AMBRA1: variants seen among roughly 807,000 people sequenced by gnomAD.
AMBRA1 encodes the protein activating molecule in BECN1-regulated autophagy protein 1.
A neutral mutation model predicts 125.4 loss-of-function variants in AMBRA1; 47 were observed. That is an observed-to-expected ratio of 0.37 (90% confidence interval 0.30 to 0.48). The LOEUF is 0.48. AMBRA1 is among the 20% of genes least tolerant of loss of function. AMBRA1 has a pLI of 0.99. For missense variants in AMBRA1, 1,331 were observed against 1,693.4 expected, an observed-to-expected ratio of 0.79 and a Z score of 3.76; for synonymous variants, 626 against 655.5, an observed-to-expected ratio of 0.95 and a Z score of 0.69.
chr11:46,546,995 T>G, intron 4 of AMBRA1, 118 bp downstream of exon 4: 1 of 919,384 alleles, frequency 1.1e-6, no homozygotes, highest in Non-Finnish European at 1.6e-6. Context: ...CACTTGAACC[T>G]GGGAGACGGA....
chr11:46,418,180 CTCTTTTTTTT>C (rs1201683242), intron 14 of AMBRA1, 128 bp from the exon 15 acceptor site: 1 of 666,670 alleles, frequency 1.5e-6, no homozygotes, highest in Non-Finnish European at 2.0e-6. Context: ...AACAGGATGA[CTCTTTTTTTT>C]TCTTTTTTTT....
At chr11:46,399,470 G>A (rs559511810) in intron 17 of AMBRA1, among the ~76,000 whole-genome samples, 172 of 150,574 alleles carry the variant, frequency 1.1e-3, no homozygotes, top group Non-Finnish European at 2.0e-3. Flanking sequence ...AGGTTCAAGC[G>A]ATTCTCCTGC....
chr11:46,492,810 G>A (rs1325412323), intron 11 of AMBRA1, among the ~76,000 whole-genome samples: 5 of 152,246 alleles, frequency 3.3e-5, no homozygotes, highest in Admixed American at 1.3e-4. Flanking sequence ...GGCACTTCGG[G>A]AGGCTGAGGC....
At chr11:46,445,012 T>G (rs1053451025) in intron 11 of AMBRA1, among the ~76,000 whole-genome samples, 3 of 145,276 alleles carry the variant, frequency 2.1e-5, no homozygotes, top group Non-Finnish European at 3.0e-5. Flanking sequence ...ATTCTCAACA[T>G]GGGAAATATC....
At chr11:46,461,915 T>C (rs938615429) in intron 11 of AMBRA1, among the ~76,000 whole-genome samples, 2 of 152,208 alleles carry the variant, frequency 1.3e-5, no homozygotes, top group Non-Finnish European at 2.9e-5. Flanking sequence ...TGATGCCATA[T>C]AACGTCTTAC....
At chr11:46,553,744 C>CA (rs113211612) in intron 1 of AMBRA1, among the ~76,000 whole-genome samples, 58 of 144,506 alleles carry the variant, frequency 4.0e-4, no homozygotes, top group East Asian at 2.0e-3. Context: ...GACTCCATCT[C>CA]AAAAAAAAAA....
intron 7 of AMBRA1, among the ~76,000 whole-genome samples, chr11:46,531,842 G>C (rs949544455): frequency 5.3e-5 from 8 of 152,158 alleles, no homozygotes; most frequent in African/African-American, 1.9e-4. Context: ...TGCCAGCTGG[G>C]AGAGGTGGCT....
At position 46,493,618 on chromosome 11, in the gene AMBRA1, C is replaced by T; in HGVS notation, c.2511G>A (p.Arg837=). 15 of 1,604,018 alleles carry T rather than the reference C, an allele frequency of 9.4e-6. No homozygotes were observed. The highest frequency in any genetic ancestry group is 1.7e-5 in the Admixed American group (1 of 57,464). The change falls in exon 11 of 18, where the codon AGG becomes AGA. Residue 837 remains arginine, a synonymous_variant. Coordinates refer to ENST00000683756, the MANE Select transcript of AMBRA1 (RefSeq NM_001387011.1). ...PGLATHSSVN[R]VLAGAVIGDG... ...GAAACATTTCCTTACCTGCCAGGAC[C>T]CTGTTAACAGAAGAGTGAGTAGCCA...
intron 11 of AMBRA1, among the ~76,000 whole-genome samples, chr11:46,462,271 A>T (rs1487615662): frequency 1.3e-5 from 2 of 152,164 alleles, no homozygotes; most frequent in Non-Finnish European, 2.9e-5. Flanking sequence ...TGGTCATCAT[A>T]AAGAATACAC....
rs567011834 is a variant in AMBRA1 at position 46,398,712 on chromosome 11, G to A, written c.3404-769C>T. ...AGGATGTTCTTGATCTCCTGATCTC[G>A]TGATCTGCCCACCTCAGCCTCCCAA... On this transcript the variant is annotated intron_variant, in intron 17 of 17. Coordinates refer to ENST00000683756, the MANE Select transcript of AMBRA1 (RefSeq NM_001387011.1). Among the ~76,000 whole-genome samples, 59 of 152,168 alleles carry A rather than the reference G, an allele frequency of 3.9e-4. 1 individual carries two copies. The South Asian group carries it at 0.012, about 31-fold the overall frequency.
intron 11 of AMBRA1, among the ~76,000 whole-genome samples, chr11:46,458,721 T>C (rs915867171): frequency 6.6e-6 from 1 of 152,202 alleles, no homozygotes; most frequent in African/African-American, 2.4e-5. Flanking sequence ...TTCAGCCACC[T>C]GAGTAGCTGG....
At chr11:46,559,516 T>C (rs934032024) in intron 1 of AMBRA1, among the ~76,000 whole-genome samples, 2 of 152,098 alleles carry the variant, frequency 1.3e-5, no homozygotes, top group Admixed American at 6.5e-5. Context: ...AATCCTCCTA[T>C]TTGAAACACA....
At chr11:46,553,557 C>A (rs760897483) in intron 1 of AMBRA1, among the ~76,000 whole-genome samples, 1 of 151,920 alleles carries the variant, frequency 6.6e-6, no homozygotes, top group South Asian at 2.1e-4. Flanking sequence ...CCAGCCTGGC[C>A]AACATAGTGA....
At chr11:46,415,367 G>A (rs566223513) in intron 15 of AMBRA1, among the ~76,000 whole-genome samples, 1 of 152,330 alleles carries the variant, frequency 6.6e-6, no homozygotes, top group South Asian at 2.1e-4. Flanking sequence ...AGTTACAAAA[G>A]TATGTGTGTG....
chr11:46,471,656 T>C (rs146369533), intron 11 of AMBRA1, among the ~76,000 whole-genome samples: 340 of 150,704 alleles, frequency 2.3e-3, no homozygotes, highest in African/African-American at 7.8e-3. Context: ...TTAGATGGAG[T>C]CTTGCTCTGT....
At chr11:46,566,092 C>T (rs1200830054) in intron 1 of AMBRA1, among the ~76,000 whole-genome samples, 1 of 152,128 alleles carries the variant, frequency 6.6e-6, no homozygotes, top group Non-Finnish European at 1.5e-5. Flanking sequence ...AACTACAGTA[C>T]ATCCAAACCA....
intron 14 of AMBRA1, among the ~76,000 whole-genome samples, chr11:46,418,565 A>G (rs996708149): frequency 2.6e-5 from 4 of 151,438 alleles, no homozygotes; most frequent in Non-Finnish European, 4.4e-5. Flanking sequence ...CCTACCCCAC[A>G]ACAGGCCCCG....
chr11:46,421,382 G>A (rs1468931267), intron 14 of AMBRA1, among the ~76,000 whole-genome samples: 3 of 152,230 alleles, frequency 2.0e-5, no homozygotes, highest in Non-Finnish European at 4.4e-5. Context: ...CTGCTTTGTG[G>A]CAGGAAGCCA....
chr11:46,557,982 A>G (rs2043208559), intron 1 of AMBRA1, among the ~76,000 whole-genome samples: 1 of 152,090 alleles, frequency 6.6e-6, no homozygotes, highest in African/African-American at 2.4e-5. Context: ...GACCTGCATG[A>G]TAAGATACCA....
Sources: allele counts gnomAD v4.1 joint callset (sites outside exome capture counted in the v4.1 genomes callset), GRCh38; gene constraint gnomAD v4.1.1; transcripts MANE v1.5; gene names NCBI Gene and HGNC (gene_info 2026-07-23, HGNC 2026-07-21).